Variants in FOXR1 observed in about 807,000 individuals in gnomAD.
FOXR1 encodes forkhead box R1.
A neutral mutation model predicts 34.5 loss-of-function variants in FOXR1; 25 were observed. The observed-to-expected ratio is 0.72, with a 90% confidence interval of 0.53 to 1.01. FOXR1 has a LOEUF of 1.01. Ranked by LOEUF, FOXR1 falls within the 50% of genes least tolerant of loss-of-function variation. The pLI is 0.00. For synonymous variants in FOXR1, 153 were observed against 141.6 expected (o/e 1.08, Z -0.57); for missense variants, 373 against 376.2 (o/e 0.99, Z 0.07).
chr11:118,975,924 G>C (rs758384392), intron 1 of FOXR1, among the ~76,000 whole-genome samples: 9 of 152,134 alleles, frequency 5.9e-5, no homozygotes, highest in Non-Finnish European at 7.3e-5. Context: ...CTGTGGCTTT[G>C]GAGCACTTTG....
Position 118,979,444 on chromosome 11 carries a change from C to A in FOXR1, c.387C>A (p.Leu129=). The stretch of plus-strand genomic sequence containing the variant: ...GTTCCTACTCTGTGCTCCTCTAGCT[C>A]ACAGAAGAGGAGGAGGCTGAGGACC... ...RFAFSPSTWE[L]TEEEEAEDQE... Residue 129 remains leucine (L), a splice_region_variant and synonymous_variant, in exon 4 of 6, where the codon CTC becomes CTA. Coordinates refer to ENST00000317011, the MANE Select transcript of FOXR1 (RefSeq NM_181721.3). 1 of 1,605,368 alleles carries A rather than the reference C, an allele frequency of 6.2e-7. No individual in the cohort carries two copies. Among genetic ancestry groups the A allele is most frequent in the East Asian group, 2.2e-5 (1 of 44,608 alleles).
intron 1 of FOXR1, among the ~76,000 whole-genome samples, chr11:118,977,321 C>T (rs992454591): frequency 2.0e-5 from 3 of 152,078 alleles, no homozygotes; most frequent in Non-Finnish European, 4.4e-5. Flanking sequence ...TGTGGGCCAC[C>T]GCACCTGGCC....
At position 118,979,532 on chromosome 11, in the gene FOXR1, A is replaced by G; in HGVS notation, c.475A>G (p.Arg159Gly). 1 of 1,613,644 alleles carries G rather than the reference A, an allele frequency of 6.2e-7. No homozygotes were observed. The highest frequency in any genetic ancestry group is 8.5e-7 in the Non-Finnish European group (1 of 1,179,756). Residue 159 changes from arginine to glycine, a missense_variant, in exon 4 of 6, where the codon AGG becomes GGG. Coordinates refer to ENST00000317011, the MANE Select transcript of FOXR1 (RefSeq NM_181721.3). ...PHKRAPLQSRRLRQASSQAGR... is the reference protein window; with the variant it reads ...PHKRAPLQSRGLRQASSQAGR... Reference sequence around the variant, plus strand: ...CAAAAGGGCCCCCCTCCAGAGTCGGAGGCTTCGGCAAGCCAGCAGCCAGGC... The same window carrying G: ...CAAAAGGGCCCCCCTCCAGAGTCGGGGGCTTCGGCAAGCCAGCAGCCAGGC...
chr11:118,979,755 GCT>G, intron 4 of FOXR1, 87 bp downstream of exon 4: 1 of 1,272,132 alleles, frequency 7.9e-7, no homozygotes, highest in Non-Finnish European at 1.1e-6. Flanking sequence ...GCCCTGGGTT[GCT>G]GACCTGGTTT....
At chr11:118,972,129 GC>G (rs764442884) in intron 1 of FOXR1, 137 bp downstream of exon 1, 47,872 of 353,140 alleles carry the variant, frequency 0.14, 1,544 homozygotes, top group East Asian at 0.24. Flanking sequence ...AGCGCCCCGC[GC>G]CCCCCCCCCC....
At position 118,979,167 on chromosome 11, in the gene FOXR1, C is replaced by T. The variant is rs782771981; in HGVS notation, c.347C>T (p.Pro116Leu). 27 of 1,545,494 alleles carry T rather than the reference C, an allele frequency of 1.7e-5. No individual in the cohort carries two copies. In the Admixed American group the frequency reaches 5.3e-4, roughly 30 times the overall value. The change falls in exon 3 of 6, where the codon CCT becomes CTT. Residue 116 changes from proline to leucine, a missense_variant. Pro to Leu is a moderately conservative substitution (Grantham distance 98). Coordinates refer to ENST00000317011, the MANE Select transcript of FOXR1 (RefSeq NM_181721.3). ...CAGTCCTCCAGCAAGCGGTCTCCCC[C>T]TCGGAAGCGGTTTGCCTTTTCCCCC... ...LSQSSSKRSP[P>L]RKRFAFSPST...
At position 118,980,612 on chromosome 11, in the gene FOXR1, G is replaced by C; in HGVS notation, c.734G>C (p.Arg245Pro). Residue 245 changes from arginine (R) to proline (P), a missense_variant, in exon 5 of 6, where the codon CGG (arginine) becomes CCG (proline). Physicochemically the swap from Arg to Pro is moderately radical, Grantham distance 103. Coordinates refer to ENST00000317011, the MANE Select transcript of FOXR1 (RefSeq NM_181721.3). ...AGCATGCAGGGCGGGGCCAGCACAC[G>C]GCCTCGATCTTGCCTCTGGAAGTTG... The part of the protein sequence containing the change: ...PVSMQGGAST[R>P]PRSCLWKLTE... 1 of 1,614,230 alleles carries C rather than the reference G, an allele frequency of 6.2e-7. No homozygotes were observed. The highest frequency in any genetic ancestry group is 8.5e-7 in the Non-Finnish European group (1 of 1,180,046).
intron 5 of FOXR1, 92 bp downstream of exon 5, chr11:118,980,820 G>A (rs78306676): frequency 4.9e-6 from 6 of 1,231,278 alleles, no homozygotes; most frequent in Non-Finnish European, 6.7e-6. Flanking sequence ...ACACCGTGGG[G>A]GTGGGGGAAT....
chr11:118,979,625 TC>T lies in FOXR1; in HGVS notation c.573del (p.Cys192ValfsTer62). On this transcript the variant is annotated frameshift_variant, in exon 4 of 6. Transcript: ENST00000317011. LOFTEE classifies it high-confidence loss of function. ...HLIALALRNS[S>X]PCGLNVQQIY... The stretch of plus-strand genomic sequence containing the variant: ...AATTGCCCTGGCATTAAGAAACAGT[TC>T]CCCCTGTGGCCTCAACGTGCAACAG... The T allele has an allele frequency of 6.2e-7, 1 of 1,611,216 alleles. No homozygotes were observed. The highest frequency in any genetic ancestry group is 8.5e-7 in the Non-Finnish European group (1 of 1,178,720).
intron 1 of FOXR1, among the ~76,000 whole-genome samples, chr11:118,974,575 T>C (rs1177812106): frequency 2.0e-5 from 3 of 152,214 alleles, no homozygotes; most frequent in African/African-American, 7.2e-5. Flanking sequence ...TTGAAATTTT[T>C]AATAATTTTT....
chr11:118,980,127 G>T, intron 4 of FOXR1: 1 of 504,644 alleles, frequency 2.0e-6, no homozygotes, highest in Non-Finnish European at 3.8e-6. Context: ...GGGTGAGGAA[G>T]GGAGTTTCTT....
At chr11:118,980,325 T>C (rs1290506370) in intron 4 of FOXR1, 165 bp from the exon 5 acceptor site, 2 of 785,134 alleles carry the variant, frequency 2.5e-6, no homozygotes, top group Non-Finnish European at 4.4e-6. Flanking sequence ...ACCACGTGGA[T>C]GCTTTGCCAC....
intron 1 of FOXR1, among the ~76,000 whole-genome samples, chr11:118,973,719 A>AGTC (rs1463090581): frequency 8.9e-6 from 1 of 112,472 alleles, no homozygotes; most frequent in African/African-American, 3.4e-5. Flanking sequence ...TTTGTCATGG[A>AGTC]GTCTCACTCT....
At chr11:118,980,957 G>T (rs1941854171) in intron 5 of FOXR1, among the ~76,000 whole-genome samples, 1 of 152,226 alleles carries the variant, frequency 6.6e-6, no homozygotes, top group African/African-American at 2.4e-5. Context: ...AAACAACTAA[G>T]GGGCAACTGG....
chr11:118,977,948 G>A (rs1053249770), intron 1 of FOXR1, among the ~76,000 whole-genome samples: 14 of 152,256 alleles, frequency 9.2e-5, no homozygotes, highest in Admixed American at 6.5e-5. Context: ...GGCTGGGCGC[G>A]GTGGCTCAAG....
chr11:118,980,418 T>C (rs1941840547), intron 4 of FOXR1, 72 bp from the exon 5 acceptor site: 2 of 1,541,386 alleles, frequency 1.3e-6, no homozygotes, highest in African/African-American at 2.7e-5. Context: ...GGCCCCTGGG[T>C]AGAACATGCC....
At position 118,980,513 on chromosome 11, in the gene FOXR1, C is replaced by G. The variant is rs368571294; in HGVS notation, c.635C>G (p.Thr212Arg). ...FTRKHFPFFR[T>R]APEGWKNTVR... ...AGAAAGCACTTCCCCTTTTTCCGGA[C>G]GGCCCCGGAAGGCTGGAAGAATACT... The change falls in exon 5 of 6, where the codon ACG becomes AGG. Residue 212 changes from threonine to arginine, a missense_variant. Physicochemically the swap from Thr to Arg is moderately conservative, Grantham distance 71. Transcript: ENST00000317011. 4 of 1,613,824 alleles carry G rather than the reference C, an allele frequency of 2.5e-6. No homozygotes were observed. Among genetic ancestry groups the G allele is most frequent in the Non-Finnish European group, 3.4e-6 (4 of 1,179,988 alleles).
intron 1 of FOXR1, 147 bp downstream of exon 1, chr11:118,972,139 C>G (rs1045962870): frequency 9.9e-6 from 7 of 705,114 alleles, no homozygotes; most frequent in South Asian, 1.9e-5. Context: ...GCCCCCCCCC[C>G]CCGACGGCTT....
At chr11:118,980,335 C>T (rs782416120) in intron 4 of FOXR1, 155 bp from the exon 5 acceptor site, 11 of 835,386 alleles carry the variant, frequency 1.3e-5, no homozygotes, top group Middle Eastern at 4.4e-4. Flanking sequence ...TGCTTTGCCA[C>T]GTGCTCAGTT....
Sources: gnomAD v4.1 joint callset for allele counts (sites outside exome capture counted in the v4.1 genomes callset) on GRCh38, gnomAD v4.1.1 for gene constraint, MANE v1.5 for transcripts, NCBI Gene and HGNC (gene_info 2026-07-23, HGNC 2026-07-21) for gene names.